Variants in ARSB observed in about 807,000 individuals in gnomAD.
The protein encoded by ARSB is arylsulfatase B, also known as N-acetylgalactosamine-4-sulfatase.
A neutral mutation model predicts 50.9 loss-of-function variants in ARSB; 41 were observed. The observed-to-expected ratio is 0.81, with a 90% confidence interval of 0.63 to 1.04. ARSB has a LOEUF of 1.04. ARSB is among the 50% of genes least tolerant of loss of function. The pLI is 0.00. For synonymous variants in ARSB, 269 were observed against 284.8 expected (o/e 0.94, Z 0.56); for missense variants, 672 against 693.3 (o/e 0.97, Z 0.35).
At chr5:78,833,311 A>G (rs890921151) in intron 6 of ARSB, among the ~76,000 whole-genome samples, 1 of 142,042 alleles carries the variant, frequency 7.0e-6, no homozygotes, top group African/African-American at 2.6e-5. Context: ...GGTTTCTTAC[A>G]CTGACCACCC....
At chr5:78,959,277 C>T (rs1201783296) in intron 3 of ARSB, among the ~76,000 whole-genome samples, 1 of 152,084 alleles carries the variant, frequency 6.6e-6, no homozygotes, top group Admixed American at 6.5e-5. Context: ...TGAGGCCTCC[C>T]CAGCCATGTG....
intron 5 of ARSB, among the ~76,000 whole-genome samples, chr5:78,875,126 T>C (rs1177736143): frequency 6.6e-6 from 1 of 151,998 alleles, no homozygotes; most frequent in Non-Finnish European, 1.5e-5. Flanking sequence ...TAAAAAACAA[T>C]AATAATAATT....
intron 2 of ARSB, among the ~76,000 whole-genome samples, chr5:78,964,829 T>C (rs1470627601): frequency 3.3e-5 from 5 of 151,340 alleles, no homozygotes; most frequent in African/African-American, 7.3e-5. Context: ...GCCTTTAGAA[T>C]ATAGGCGCTA....
At chr5:78,936,552 CT>C (rs1378924868) in intron 4 of ARSB, among the ~76,000 whole-genome samples, 1 of 151,854 alleles carries the variant, frequency 6.6e-6, no homozygotes, top group Non-Finnish European at 1.5e-5. Flanking sequence ...TAACCCTTAA[CT>C]TGAATCAAAA....
intron 6 of ARSB, among the ~76,000 whole-genome samples, chr5:78,832,890 T>C (rs1744752890): frequency 6.6e-6 from 1 of 152,136 alleles, no homozygotes; most frequent in South Asian, 2.1e-4. Flanking sequence ...TGTGTGTGCG[T>C]ACGTTTTAAA....
chr5:78,805,877 C>T (rs1167832741), intron 6 of ARSB, among the ~76,000 whole-genome samples: 1 of 152,200 alleles, frequency 6.6e-6, no homozygotes, highest in African/African-American at 2.4e-5. Context: ...AGCAGTTATT[C>T]ACTGCTGTGG....
intron 5 of ARSB, among the ~76,000 whole-genome samples, chr5:78,867,060 C>T (rs1378364757): frequency 3.9e-5 from 6 of 152,144 alleles, no homozygotes; most frequent in Non-Finnish European, 7.4e-5. Flanking sequence ...GGGTGACAGA[C>T]GCACCTGGAA....
At chr5:78,985,576 G>A, upstream of ARSB, 1 of 194,616 alleles carries the variant, frequency 5.1e-6, no homozygotes, top group Non-Finnish European at 1.0e-5. Flanking sequence ...AAAAAGATGT[G>A]TTCTTTAATA....
At chr5:78,861,752 A>C (rs1746447515) in intron 5 of ARSB, among the ~76,000 whole-genome samples, 1 of 152,174 alleles carries the variant, frequency 6.6e-6, no homozygotes, top group Non-Finnish European at 1.5e-5. Flanking sequence ...AATGTTGGAA[A>C]TTCTGGTCAG....
chr5:78,857,375 T>A (rs1233064456), intron 5 of ARSB, among the ~76,000 whole-genome samples: 2 of 152,220 alleles, frequency 1.3e-5, no homozygotes, highest in Non-Finnish European at 2.9e-5. Flanking sequence ...TCTAGGTATT[T>A]TCCTTATTTT....
chr5:78,844,570 C>T (rs3098692), intron 5 of ARSB, among the ~76,000 whole-genome samples: 94,309 of 151,906 alleles, frequency 0.62, 29,641 homozygotes, highest in Middle Eastern at 0.67. Flanking sequence ...GTATTTTCTC[C>T]TGTGTTGCTT....
chr5:78,863,289 T>C (rs1350763886), intron 5 of ARSB, among the ~76,000 whole-genome samples: 2 of 152,146 alleles, frequency 1.3e-5, no homozygotes, highest in African/African-American at 2.4e-5. Context: ...ATCATGCTAC[T>C]ATAAAGACAC....
At chr5:78,795,855 C>T (rs1280286710) in intron 6 of ARSB, among the ~76,000 whole-genome samples, 1 of 152,168 alleles carries the variant, frequency 6.6e-6, no homozygotes, top group Non-Finnish European at 1.5e-5. Flanking sequence ...TCTCTGACAC[C>T]TACTCACTCA....
chr5:78,797,132 C>A (rs1743214668), intron 6 of ARSB, among the ~76,000 whole-genome samples: 1 of 152,266 alleles, frequency 6.6e-6, no homozygotes, highest in East Asian at 1.9e-4. Flanking sequence ...CCCGCCTCGG[C>A]CTCCCAAAGT....
intron 5 of ARSB, among the ~76,000 whole-genome samples, chr5:78,860,423 G>A (rs1746376468): frequency 6.6e-6 from 1 of 152,162 alleles, no homozygotes. Flanking sequence ...TCAGACCACA[G>A]TGCAATTAAA....
At chr5:78,796,979 G>A (rs1327531909) in intron 6 of ARSB, among the ~76,000 whole-genome samples, 2 of 150,160 alleles carry the variant, frequency 1.3e-5, no homozygotes, top group African/African-American at 2.5e-5. Flanking sequence ...CCGGGTTCAC[G>A]CCATTCTCCT....
At chr5:78,786,753 G>T (rs572640869) in intron 6 of ARSB, among the ~76,000 whole-genome samples, 1 of 152,238 alleles carries the variant, frequency 6.6e-6, no homozygotes, top group South Asian at 2.1e-4. Flanking sequence ...CAGAATAGCG[G>T]GGACTACAGG....
chr5:78,825,103 G>C (rs946862746), intron 6 of ARSB, among the ~76,000 whole-genome samples: 1 of 152,178 alleles, frequency 6.6e-6, no homozygotes, highest in South Asian at 2.1e-4. Flanking sequence ...TTTTAATTCA[G>C]CTTAATCACC....
chr5:78,858,540 G>A (rs1474805287), intron 5 of ARSB, among the ~76,000 whole-genome samples: 1 of 152,090 alleles, frequency 6.6e-6, no homozygotes, highest in Non-Finnish European at 1.5e-5. Context: ...GTTGAAGGGT[G>A]GGGCAACAAA....
Sources: gnomAD v4.1 joint callset for allele counts (sites outside exome capture counted in the v4.1 genomes callset) on GRCh38, gnomAD v4.1.1 for gene constraint, MANE v1.5 for transcripts, NCBI Gene and HGNC (gene_info 2026-07-23, HGNC 2026-07-21) for gene names.